The following CDH18 variants were observed in gnomAD, a reference collection of about 807,000 sequenced individuals.
CDH18 encodes the protein cadherin-18.
Under a neutral mutation model 67.9 loss-of-function variants are expected in CDH18, and 31 were observed. That is an observed-to-expected ratio of 0.46 (90% CI 0.34 to 0.62). The LOEUF is 0.62. Ranked by LOEUF, CDH18 falls within the 20% of genes least tolerant of loss-of-function variation. The pLI is 0.01. For synonymous variants in CDH18, 362 were observed against 347.2 expected (o/e 1.04, Z -0.48); for missense variants, 890 against 975.5 (o/e 0.91, Z 1.17).
At chr5:20,190,535 T>C (rs1738454231) in intron 2 of CDH18, among the ~76,000 whole-genome samples, 1 of 152,146 alleles carries the variant, frequency 6.6e-6, no homozygotes, top group Admixed American at 6.6e-5. Context: ...GATGGTATTT[T>C]TTTAATCTAT....
chr5:20,464,848 A>C lies in CDH18; in HGVS notation c.-580+110614T>G, dbSNP rs545022464. On this transcript the variant is annotated intron_variant, in intron 1 of 14. Coordinates refer to the CDH18 transcript ENST00000507958. Reference sequence around the variant, plus strand: ...ATAGCTGTGTTACTATGCATTAGGAACAAGAAAAACTTGCCAAGTTGATGA... The same window carrying C: ...ATAGCTGTGTTACTATGCATTAGGACCAAGAAAAACTTGCCAAGTTGATGA... 4.6e-5 allele frequency among the ~76,000 whole-genome samples: 7 copies of C among 152,280 alleles called. No homozygotes were observed. In the South Asian group the frequency reaches 1.4e-3, roughly 32 times the overall value.
chr5:19,704,586 G>A (rs116102443), intron 5 of CDH18, among the ~76,000 whole-genome samples: 1,773 of 152,138 alleles, frequency 0.012, 34 homozygotes, highest in African/African-American at 0.041. Flanking sequence ...CAAAGTTCCC[G>A]CCAAAGTTTA....
chr5:20,249,345 C>A (rs1261552501), intron 2 of CDH18, among the ~76,000 whole-genome samples: 3 of 145,368 alleles, frequency 2.1e-5, no homozygotes, highest in Non-Finnish European at 4.5e-5. Flanking sequence ...TTGGGAAAGT[C>A]TTTTAAATTA....
At chr5:20,137,553 T>G (rs1308379765) in intron 2 of CDH18, among the ~76,000 whole-genome samples, 1 of 152,120 alleles carries the variant, frequency 6.6e-6, no homozygotes, top group Non-Finnish European at 1.5e-5. Flanking sequence ...CAGAGGAGTT[T>G]GTTATTACTG....
intron 5 of CDH18, among the ~76,000 whole-genome samples, chr5:19,684,296 A>G (rs1760754750): frequency 6.6e-6 from 1 of 151,828 alleles, no homozygotes; most frequent in Non-Finnish European, 1.5e-5. Context: ...TTTAAAAATC[A>G]TAGCATTTAA....
At chr5:20,096,485 G>T (rs1277302633) in intron 2 of CDH18, among the ~76,000 whole-genome samples, 1 of 152,028 alleles carries the variant, frequency 6.6e-6, no homozygotes, top group African/African-American at 2.4e-5. Flanking sequence ...GTAAATATGT[G>T]TGAAAATATA....
intron 12 of CDH18, among the ~76,000 whole-genome samples, chr5:19,476,241 G>T (rs1352948680): frequency 1.3e-5 from 2 of 152,050 alleles, no homozygotes; most frequent in African/African-American, 4.8e-5. Context: ...AAGGTAATGA[G>T]AAAATTCAAT....
chr5:19,601,952 C>T lies in CDH18; in HGVS notation c.811+10482G>A, dbSNP rs531823478. Among the ~76,000 whole-genome samples, 7 of 152,122 alleles carry T rather than the reference C, an allele frequency of 4.6e-5. No individual in the cohort carries two copies. The South Asian group carries it at 1.5e-3, about 32-fold the overall frequency. On this transcript the variant is annotated intron_variant, in intron 6 of 12. Transcript: ENST00000382275. The stretch of plus-strand genomic sequence containing the variant: ...GAACTATAAATAAAAGAAACTTCCT[C>T]AACATAATAGAAGCCATATGTTAAA...
At chr5:20,313,751 A>C (rs1188706594) in intron 1 of CDH18, among the ~76,000 whole-genome samples, 1 of 152,010 alleles carries the variant, frequency 6.6e-6, no homozygotes, top group South Asian at 2.1e-4. Context: ...GTGTGGGTGT[A>C]TATATCTGAA....
intron 3 of CDH18, among the ~76,000 whole-genome samples, chr5:19,790,020 C>A (rs1214541569): frequency 6.6e-6 from 1 of 151,710 alleles, no homozygotes; most frequent in Non-Finnish European, 1.5e-5. Context: ...TATAAATATA[C>A]CATCATACAT....
chr5:20,175,810 T>C (rs902971594), intron 2 of CDH18, among the ~76,000 whole-genome samples: 3 of 152,050 alleles, frequency 2.0e-5, no homozygotes, highest in Non-Finnish European at 4.4e-5. Context: ...GATTAGATGG[T>C]GCCCACCCAG....
chr5:19,683,663 T>C (rs1028459418), intron 5 of CDH18, among the ~76,000 whole-genome samples: 1 of 152,088 alleles, frequency 6.6e-6, no homozygotes, highest in Non-Finnish European at 1.5e-5. Context: ...TGGGTGGTAG[T>C]TATTAAAATT....
At chr5:20,324,698 G>A (rs952681537) in intron 1 of CDH18, among the ~76,000 whole-genome samples, 5 of 152,182 alleles carry the variant, frequency 3.3e-5, no homozygotes, top group African/African-American at 1.2e-4. Flanking sequence ...AGGGTAAAAT[G>A]TAGTAAGAAG....
intron 1 of CDH18, among the ~76,000 whole-genome samples, chr5:20,278,529 A>G (rs191094787): frequency 6.6e-6 from 1 of 152,284 alleles, no homozygotes; most frequent in East Asian, 1.9e-4. Flanking sequence ...TTCAGTCTGA[A>G]AGAAAAAAAG....
intron 1 of CDH18, among the ~76,000 whole-genome samples, chr5:20,272,584 A>G (rs945166269): frequency 2.6e-5 from 4 of 152,058 alleles, no homozygotes; most frequent in Admixed American, 2.0e-4. Flanking sequence ...AGAACATTAC[A>G]ATAATAATAA....
At chr5:20,521,904 G>T (rs142039883) in intron 1 of CDH18, among the ~76,000 whole-genome samples, 1 of 152,080 alleles carries the variant, frequency 6.6e-6, no homozygotes, top group South Asian at 2.1e-4. Context: ...AACCCTCTTC[G>T]AATATTTCAT....
At position 20,387,881 on chromosome 5, in the gene CDH18, G is replaced by A. The variant is rs567587832; in HGVS notation, c.-579-132376C>T. Among the ~76,000 whole-genome samples, 457 of 152,180 alleles carry A rather than the reference G, an allele frequency of 3.0e-3. 3 individuals are homozygous for A. The highest frequency in any genetic ancestry group is 7.4e-3 in the African/African-American group (309 of 41,522). The stretch of plus-strand genomic sequence containing the variant: ...TGCTGGATTATGTTTATTGATTTGC[G>A]TATGTTGAACCAGCCTTGCATCCCA... On this transcript the variant is annotated intron_variant, in intron 1 of 14. Coordinates refer to the CDH18 transcript ENST00000507958.
intron 6 of CDH18, among the ~76,000 whole-genome samples, chr5:19,608,245 T>G (rs350678): frequency 0.8 from 121,516 of 151,306 alleles, 48,982 homozygotes; most frequent in East Asian, 1. Context: ...ATATATACTG[T>G]CATTTTAAAG....
chr5:20,495,947 T>A (rs963449736), intron 1 of CDH18, among the ~76,000 whole-genome samples: 1 of 152,062 alleles, frequency 6.6e-6, no homozygotes, highest in Admixed American at 6.6e-5. Context: ...AAATAAAAGT[T>A]TGTGAATTGG....
Sources: allele counts gnomAD v4.1 joint callset (sites outside exome capture counted in the v4.1 genomes callset), GRCh38; gene constraint gnomAD v4.1.1; transcripts MANE v1.5; gene names NCBI Gene and HGNC (gene_info 2026-07-23, HGNC 2026-07-21).